The following FAM171A1 variants were observed in gnomAD, a reference collection of about 807,000 sequenced individuals.
FAM171A1 encodes the protein protein FAM171A1.
In FAM171A1, 23 loss-of-function variants were observed where a neutral mutation model predicts 74.9. That is an observed-to-expected ratio of 0.31 (90% CI 0.22 to 0.44). The LOEUF (loss-of-function observed/expected upper bound fraction) is 0.44. Among genes scored for constraint, FAM171A1 ranks in the 20% least tolerant of loss-of-function variants. The probability of loss-of-function intolerance (pLI) is 1.00; values close to 1 mark genes in which losing one functional copy is unlikely to be tolerated. For missense variants in FAM171A1, 1,162 were observed against 1,159.2 expected (o/e 1.00, Z -0.03); for synonymous variants, 527 against 505.7 (o/e 1.04, Z -0.57).
In FAM171A1 at chr10:15,216,049, T is replaced by G; in HGVS notation, c.933A>C (p.Gly311=). ...AAACCAAAAGTATGAAAGCCATTCCTCCTAAAATGGCCAAAAGAAACACCG... is the reference window on the plus strand; with the variant it reads ...AAACCAAAAGTATGAAAGCCATTCCGCCTAAAATGGCCAAAAGAAACACCG... ...YHTVFLLAIL[G]GMAFILLVLL... The change falls in exon 7 of 8, where the codon GGA becomes GGC. Residue 311 remains glycine (G), a synonymous_variant. Transcript: ENST00000378116. 1 of 1,612,374 alleles carries G rather than the reference T, an allele frequency of 6.2e-7. No homozygotes were observed. Among genetic ancestry groups the G allele is most frequent in the Non-Finnish European group, 8.5e-7 (1 of 1,179,748 alleles).
chr10:15,297,260 T>C (rs1835173008), intron 1 of FAM171A1, among the ~76,000 whole-genome samples: 2 of 152,116 alleles, frequency 1.3e-5, no homozygotes, highest in Non-Finnish European at 2.9e-5. Flanking sequence ...GATTTTGCCA[T>C]GTTGCCCAGG....
intron 1 of FAM171A1, among the ~76,000 whole-genome samples, chr10:15,330,541 C>T: frequency 6.6e-6 from 1 of 151,976 alleles, no homozygotes; most frequent in Non-Finnish European, 1.5e-5. Flanking sequence ...TAAGATTGCC[C>T]TAATAATAAG....
chr10:15,295,577 A>G (rs751271376), intron 1 of FAM171A1, among the ~76,000 whole-genome samples: 11 of 151,984 alleles, frequency 7.2e-5, no homozygotes, highest in Non-Finnish European at 1.2e-4. Context: ...ACCGCTTTTC[A>G]TTCCCTTTTC....
rs1206674255 is a variant in FAM171A1, at chr10:15,212,947, C to A, written c.2641G>T (p.Glu881Ter). ...DKKSPWQKREERPLMAFNIK is the reference protein window; with the variant it reads ...DKKSPWQKRE ...ATGTTAAACGCCATCAGGGGCCTCT[C>A]CTCCCGTTTCTGCCAGGGGCTTTTC... is the stretch of plus-strand genomic sequence containing the variant. Residue 881 changes from glutamate to a stop codon, truncating the protein, a stop_gained, in exon 8 of 8, where the codon GAG (glutamate) becomes TAG (stop). Transcript: ENST00000378116. LOFTEE classifies it high-confidence loss of function. 1 of 1,614,158 alleles carries A rather than the reference C, an allele frequency of 6.2e-7. No homozygotes were observed.
chr10:15,297,079 A>T (rs1349635688), intron 1 of FAM171A1, among the ~76,000 whole-genome samples: 3 of 148,050 alleles, frequency 2.0e-5, no homozygotes, highest in Non-Finnish European at 4.5e-5. Context: ...TTTTTTTGAG[A>T]TGGAGTCTTG....
chr10:15,288,803 T>C (rs1835068758), intron 1 of FAM171A1, among the ~76,000 whole-genome samples: 1 of 147,004 alleles, frequency 6.8e-6, no homozygotes, highest in Non-Finnish European at 1.5e-5. Context: ...GTCAGTATGA[T>C]TCGGTAATTC....
chr10:15,351,736 C>G (rs1835882741), intron 1 of FAM171A1, among the ~76,000 whole-genome samples: 1 of 152,100 alleles, frequency 6.6e-6, no homozygotes, highest in Non-Finnish European at 1.5e-5. Flanking sequence ...AGCCACAAAA[C>G]AGCTATGTTC....
chr10:15,311,245 T>A (rs1835356367), intron 1 of FAM171A1, among the ~76,000 whole-genome samples: 1 of 152,252 alleles, frequency 6.6e-6, no homozygotes. Context: ...GGCTTCTGTA[T>A]CTTTACAAGC....
chr10:15,365,452 A>G (rs1236584295), intron 1 of FAM171A1, among the ~76,000 whole-genome samples: 1 of 152,176 alleles, frequency 6.6e-6, no homozygotes, highest in Non-Finnish European at 1.5e-5. Flanking sequence ...TGCAAAGATT[A>G]ATAAGTTCTG....
chr10:15,275,287 A>C (rs1197599368), intron 3 of FAM171A1, among the ~76,000 whole-genome samples: 3 of 150,048 alleles, frequency 2.0e-5, no homozygotes, highest in South Asian at 4.2e-4. Context: ...ATTCCATTTA[A>C]GTTTTTTTTT....
chr10:15,355,414 C>T (rs1266099517), intron 1 of FAM171A1, among the ~76,000 whole-genome samples: 10 of 152,216 alleles, frequency 6.6e-5, no homozygotes, highest in Admixed American at 2.0e-4. Flanking sequence ...ACCTTCCAAA[C>T]GGCAAATGTA....
chr10:15,352,505 T>G (rs1835891485), intron 1 of FAM171A1, among the ~76,000 whole-genome samples: 1 of 152,238 alleles, frequency 6.6e-6, no homozygotes, highest in Non-Finnish European at 1.5e-5. Context: ...TAACATGTAT[T>G]GATTTAGAAT....
rs566939338 is a variant in FAM171A1, at chr10:15,233,999, C to G, written c.755-12939G>C. Among the ~76,000 whole-genome samples the G allele has an allele frequency of 4.6e-5, 7 of 151,934 alleles. No individual in the cohort carries two copies. In the South Asian group the frequency reaches 8.3e-4, roughly 18 times the overall value. Reference sequence around the variant, plus strand: ...TGATCACACTTAGGTCTTATGCAACCTTGGAAGGGAGATTTTACAGATCTC... The same window carrying G: ...TGATCACACTTAGGTCTTATGCAACGTTGGAAGGGAGATTTTACAGATCTC... On this transcript the variant is annotated intron_variant, in intron 5 of 7. Coordinates refer to ENST00000378116, the MANE Select transcript of FAM171A1 (RefSeq NM_001010924.2).
rs534533621 is a variant in FAM171A1 at position 15,298,355 on chromosome 10, A to C, written c.98-14250T>G. 3.9e-5 allele frequency among the ~76,000 whole-genome samples: 6 copies of C among 152,240 alleles called. No individual in the cohort carries two copies. In the South Asian group the frequency reaches 1.2e-3, roughly 32 times the overall value. ...CACTGTGTTGGCCAGGCTGGTTTCAAACTCCTGACCTCAGGTGATCCGCCT... is the reference window on the plus strand; with the variant it reads ...CACTGTGTTGGCCAGGCTGGTTTCACACTCCTGACCTCAGGTGATCCGCCT... On this transcript the variant is annotated intron_variant, in intron 1 of 7. Transcript: ENST00000378116.
intron 2 of FAM171A1, among the ~76,000 whole-genome samples, chr10:15,282,734 C>T (rs1326008504): frequency 6.6e-6 from 1 of 151,864 alleles, no homozygotes; most frequent in Non-Finnish European, 1.5e-5. Flanking sequence ...TTTTTTGAGA[C>T]AGGGTCTTCC....
intron 1 of FAM171A1, among the ~76,000 whole-genome samples, chr10:15,363,047 A>C (rs1443872712): frequency 1.3e-5 from 2 of 152,222 alleles, no homozygotes; most frequent in Non-Finnish European, 2.9e-5. Context: ...TAGGAACTTG[A>C]TTTCAAGAGC....
At chr10:15,291,412 C>T (rs1482899660) in intron 1 of FAM171A1, among the ~76,000 whole-genome samples, 1 of 152,164 alleles carries the variant, frequency 6.6e-6, no homozygotes, top group Admixed American at 6.5e-5. Flanking sequence ...AAATCGAGCT[C>T]CTTGGTAACA....
At chr10:15,306,369 CT>C (rs879453444) in intron 1 of FAM171A1, among the ~76,000 whole-genome samples, 565 of 144,538 alleles carry the variant, frequency 3.9e-3, no homozygotes, top group Admixed American at 4.0e-3. Flanking sequence ...ATTAGCCATT[CT>C]TTTTTTTTTT....
At chr10:15,267,031 C>T (rs944918241) in intron 3 of FAM171A1, among the ~76,000 whole-genome samples, 4 of 152,156 alleles carry the variant, frequency 2.6e-5, no homozygotes, top group African/African-American at 4.8e-5. Context: ...GGCAGTTTAG[C>T]GCACGGTGTG....
Sources: allele counts gnomAD v4.1 joint callset (sites outside exome capture counted in the v4.1 genomes callset), GRCh38; gene constraint gnomAD v4.1.1; transcripts MANE v1.5; gene names NCBI Gene and HGNC (gene_info 2026-07-23, HGNC 2026-07-21).